The following TPTE2 variants were observed in gnomAD, a reference collection of about 807,000 sequenced individuals.
TPTE2 encodes phosphatidylinositol 3,4,5-trisphosphate 3-phosphatase TPTE2.
TPTE2 carries 53 observed loss-of-function variants against 78.6 expected under a neutral mutation model. That is an observed-to-expected ratio of 0.67 (90% CI 0.54 to 0.85). TPTE2 has a LOEUF of 0.85. Among genes scored for constraint, TPTE2 ranks in the 40% least tolerant of loss-of-function variants. The probability of loss-of-function intolerance (pLI) is 0.00; values close to 1 mark genes in which losing one functional copy is unlikely to be tolerated. For synonymous variants in TPTE2, 175 were observed against 206.2 expected (o/e 0.85, Z 1.30); for missense variants, 461 against 623.0 (o/e 0.74, Z 2.77).
rs548076541 is a variant in TPTE2 at position 19,514,556 on chromosome 13, G to A, written c.-43-11279C>T. Among the ~76,000 whole-genome samples the A allele has an allele frequency of 4.3e-5, 6 of 138,884 alleles. No homozygotes were observed. In the Admixed American group the frequency reaches 4.7e-4, roughly 11 times the overall value. The allele number at this position is 138,884 out of a possible 152,430, so 91.1% of individuals were successfully genotyped here. ...CGGAGGAATTTTGACAAGAACTAAA[G>A]AAACAATTTCAGGATACAGCACCAG... On this transcript the variant is annotated intron_variant, in intron 1 of 17. Transcript: ENST00000390680.
At chr13:19,504,472 C>T (rs1868857545), upstream of TPTE2, among the ~76,000 whole-genome samples, 2 of 151,996 alleles carry the variant, frequency 1.3e-5, no homozygotes, top group Admixed American at 6.6e-5. Flanking sequence ...TGTGAGGAAC[C>T]CTGCCAGGGC....
intron 1 of TPTE2, among the ~76,000 whole-genome samples, chr13:19,509,742 G>A (rs1292139752): frequency 3.3e-5 from 5 of 151,986 alleles, no homozygotes; most frequent in South Asian, 2.1e-4. Context: ...AACTAATTGT[G>A]GTAATAAAAA....
At position 19,519,580 on chromosome 13, in the gene TPTE2, T is replaced by G. The variant is rs78552955; in HGVS notation, c.-43-16303A>C. ...TCTTGGTACCCTTGTGGAAAATCAA[T>G]TGACCTTAAATGTACGGACTTACTT... On this transcript the variant is annotated intron_variant, in intron 1 of 17. Coordinates refer to the TPTE2 transcript ENST00000390680. 3.0e-3 allele frequency among the ~76,000 whole-genome samples: 456 copies of G among 152,300 alleles called. 10 individuals are homozygous for G. The South Asian group carries it at 0.045, about 15-fold the overall frequency.
At chr13:19,489,955 T>A (rs1880906561) in intron 3 of TPTE2, among the ~76,000 whole-genome samples, 1 of 152,158 alleles carries the variant, frequency 6.6e-6, no homozygotes, top group African/African-American at 2.4e-5. Flanking sequence ...TTCAGAGACA[T>A]ACTTTTCTGG....
chr13:19,495,744 C>G (rs1881270028), intron 1 of TPTE2, among the ~76,000 whole-genome samples: 1 of 152,228 alleles, frequency 6.6e-6, no homozygotes. Context: ...AATTCATACA[C>G]AGGGCACTGC....
chr13:19,514,621 G>GTGTGTGTGTGTGTGTGTC (rs1259108886), intron 1 of TPTE2, among the ~76,000 whole-genome samples: 1 of 148,372 alleles, frequency 6.7e-6, no homozygotes, highest in South Asian at 2.1e-4. Context: ...GTGTGTGTGT[G>GTGTGTGTGTGTGTGTGTC]TGTGTGTGTC....
intron 13 of TPTE2, among the ~76,000 whole-genome samples, chr13:19,441,291 A>T (rs1204486220): frequency 6.6e-6 from 1 of 152,036 alleles, no homozygotes; most frequent in African/African-American, 2.4e-5. Flanking sequence ...AAAAGGGCAC[A>T]GGTTGAAAAA....
chr13:19,560,865 G>C, the TPTE2 span: 1 of 1,563,638 alleles, frequency 6.4e-7, no homozygotes, highest in Non-Finnish European at 8.7e-7. Flanking sequence ...CGGCAGGCCT[G>C]ACAGGCCTTG....
At chr13:19,510,624 G>A (rs1223036833) in intron 1 of TPTE2, among the ~76,000 whole-genome samples, 1 of 151,996 alleles carries the variant, frequency 6.6e-6, no homozygotes, top group Non-Finnish European at 1.5e-5. Flanking sequence ...ATAGCACCAC[G>A]TTTTTAATGT....
chr13:19,499,892 T>C (rs1258021999), intron 1 of TPTE2, among the ~76,000 whole-genome samples: 2 of 149,716 alleles, frequency 1.3e-5, no homozygotes, highest in Non-Finnish European at 2.9e-5. Context: ...ACAAAATTGA[T>C]AGACCACTAG....
rs1046409012 is a variant in TPTE2, at chr13:19,436,370, C to T, written c.1036-64G>A. On this transcript the variant is annotated intron_variant, in intron 14 of 19. Coordinates refer to ENST00000400230, the Ensembl canonical transcript of TPTE2. ...ACTCTTTCCTTTCCTATATTAGGTA[C>T]CCTTAGTGTTTCTATGCCCACCTTC... 6.3e-6 allele frequency: 9 copies of T among 1,437,898 alleles called. No individual in the cohort carries two copies. In the Admixed American group the frequency reaches 1.4e-4, roughly 22 times the overall value. The allele number at this position is 1,437,898 out of a possible 1,614,324, so 89.1% of individuals were successfully genotyped here.
intron 18 of TPTE2, chr13:19,425,752 T>TA (rs1875994887): frequency 1.9e-6 from 1 of 516,788 alleles, no homozygotes; most frequent in South Asian, 1.4e-5. Context: ...TCTCTCTCGC[T>TA]ATTGCTCCCA....
intron 10 of TPTE2, among the ~76,000 whole-genome samples, chr13:19,455,517 C>G (rs1375959850): frequency 2.0e-5 from 3 of 152,104 alleles, no homozygotes; most frequent in Non-Finnish European, 4.4e-5. Context: ...GAAACATACC[C>G]ATCATATTCA....
intron 1 of TPTE2, among the ~76,000 whole-genome samples, chr13:19,525,652 G>A (rs986477227): frequency 2.0e-5 from 3 of 152,140 alleles, no homozygotes; most frequent in Non-Finnish European, 4.4e-5. Context: ...ATTTCATGAT[G>A]AAGATGCCAA....
intron 1 of TPTE2, among the ~76,000 whole-genome samples, chr13:19,534,052 T>C (rs1871050945): frequency 6.6e-6 from 1 of 152,218 alleles, no homozygotes. Context: ...ATGGGTTTAT[T>C]AGGAAGGGAA....
Position 19,472,471 on chromosome 13 carries a change from A to G in TPTE2, c.392+1443T>C, listed in dbSNP as rs568356610. On this transcript the variant is annotated intron_variant, in intron 6 of 19. Transcript: ENST00000400230. ...ACTCTAATGCATTCTTTGGTGTGCC[A>G]ATTACATTTTTTGGCTCCAGAATTT... Among the ~76,000 whole-genome samples, 4 of 152,282 alleles carry G rather than the reference A, an allele frequency of 2.6e-5. No homozygotes were observed. The South Asian group carries it at 6.2e-4, about 24-fold the overall frequency.
chr13:19,527,824 T>A (rs3002099), intron 1 of TPTE2, among the ~76,000 whole-genome samples: 28,622 of 152,242 alleles, frequency 0.19, 3,707 homozygotes, highest in African/African-American at 0.36. Flanking sequence ...GATCAACTCT[T>A]CTGGGAGCAG....
chr13:19,552,419 T>TA, the TPTE2 span, among the ~76,000 whole-genome samples: 2 of 152,076 alleles, frequency 1.3e-5, no homozygotes, highest in Non-Finnish European at 2.9e-5. Context: ...AAAGTCTTTT[T>TA]AAAAAAACCT....
intron 13 of TPTE2, among the ~76,000 whole-genome samples, chr13:19,448,425 T>C (rs1390415367): frequency 6.6e-6 from 1 of 152,040 alleles, no homozygotes; most frequent in East Asian, 1.9e-4. Flanking sequence ...AAGCATACAT[T>C]CGATAATAGG....
Sources: allele counts gnomAD v4.1 joint callset (sites outside exome capture counted in the v4.1 genomes callset), GRCh38; gene constraint gnomAD v4.1.1; transcripts MANE v1.5; gene names NCBI Gene and HGNC (gene_info 2026-07-23, HGNC 2026-07-21).